KLRG1: variants seen among roughly 807,000 people sequenced by gnomAD.
KLRG1 encodes the protein killer cell lectin-like receptor subfamily G member 1.
A neutral mutation model predicts 21.8 loss-of-function variants in KLRG1; 16 were observed. That is an observed-to-expected ratio of 0.73 (90% CI 0.50 to 1.11). The LOEUF is 1.11. Among genes scored for constraint, KLRG1 ranks in the 50% most tolerant of loss-of-function variants. The probability of loss-of-function intolerance (pLI) is 0.00; values close to 1 mark genes in which losing one functional copy is unlikely to be tolerated. For missense variants in KLRG1, 173 were observed against 218.3 expected (o/e 0.79, Z 1.31); for synonymous variants, 69 against 75.9 (o/e 0.91, Z 0.47).
At chr12:9,090,333 A>G in the KLRG1 span, 3 of 1,613,760 alleles carry the variant, frequency 1.9e-6, no homozygotes, top group African/African-American at 1.3e-5. Context: ...GTAGAGAATT[A>G]TCTCTAGCAG....
At chr12:9,044,221 A>C in the KLRG1 span, among the ~76,000 whole-genome samples, 2 of 152,218 alleles carry the variant, frequency 1.3e-5, no homozygotes, top group African/African-American at 4.8e-5. Context: ...AATTGATGAA[A>C]TAGAAAAAAA....
the KLRG1 span, chr12:9,028,689 G>A: frequency 6.6e-5 from 30 of 451,868 alleles, no homozygotes; most frequent in East Asian, 1.2e-3. Flanking sequence ...TGATCCACCC[G>A]CCTTGGCCCC....
chr12:9,165,319 G>C, the KLRG1 span: 2 of 1,614,130 alleles, frequency 1.2e-6, no homozygotes, highest in Non-Finnish European at 1.7e-6. Flanking sequence ...CCTTCCACTC[G>C]GTGATGGTGT....
chr12:9,154,400 G>A, the KLRG1 span, among the ~76,000 whole-genome samples: 2 of 152,198 alleles, frequency 1.3e-5, no homozygotes, highest in African/African-American at 2.4e-5. Flanking sequence ...CTCGTTGTAC[G>A]TCTCCATGTT....
chr12:9,189,116 A>G, the KLRG1 span, among the ~76,000 whole-genome samples: 1 of 152,226 alleles, frequency 6.6e-6, no homozygotes, highest in African/African-American at 2.4e-5. Context: ...AAAACTACCA[A>G]CGACATCCTT....
At chr12:8,961,476 G>C (rs1015878911) in intron 1 of KLRG1, among the ~76,000 whole-genome samples, 2 of 152,062 alleles carry the variant, frequency 1.3e-5, no homozygotes. Flanking sequence ...GCAATGGTGC[G>C]ATCTCAGCTC....
At chr12:9,087,390 T>C in the KLRG1 span, among the ~76,000 whole-genome samples, 2 of 152,196 alleles carry the variant, frequency 1.3e-5, no homozygotes, top group African/African-American at 4.8e-5. Flanking sequence ...GATTATGTTA[T>C]GTGAAATAAG....
the KLRG1 span, chr12:9,194,144 T>C: frequency 1.9e-6 from 3 of 1,614,038 alleles, no homozygotes; most frequent in Admixed American, 3.3e-5. Flanking sequence ...ACCCTGCTCA[T>C]TGGTGGTTGC....
At chr12:9,190,207 A>T in the KLRG1 span, among the ~76,000 whole-genome samples, 1 of 152,116 alleles carries the variant, frequency 6.6e-6, no homozygotes, top group African/African-American at 2.4e-5. Context: ...GTTCATTGCA[A>T]CCCTGTTGCA....
At chr12:9,032,883 T>G in the KLRG1 span, among the ~76,000 whole-genome samples, 2 of 152,164 alleles carry the variant, frequency 1.3e-5, no homozygotes, top group African/African-American at 2.4e-5. Context: ...TTTACCCCAA[T>G]CAATCAATAT....
Position 8,967,122 on chromosome 12 carries a change from G to T in KLRG1, c.-156+16886G>T, listed in dbSNP as rs754909941. On this transcript the variant is annotated intron_variant, in intron 1 of 4. Transcript: ENST00000539240. Reference sequence around the variant, plus strand: ...ACACCGCATGTTCTCACTCATAGGTGGGACTTGAACTATGAGAACACATGG... The same window carrying T: ...ACACCGCATGTTCTCACTCATAGGTTGGACTTGAACTATGAGAACACATGG... 1.8e-3 allele frequency among the ~76,000 whole-genome samples: 261 copies of T among 146,622 alleles called. 2 individuals are homozygous for T. Among genetic ancestry groups the T allele is most frequent in the Non-Finnish European group, 3.1e-3 (209 of 66,934 alleles).
At chr12:9,013,526 C>A (rs1947659804), downstream of KLRG1, among the ~76,000 whole-genome samples, 1 of 151,912 alleles carries the variant, frequency 6.6e-6, no homozygotes, top group Admixed American at 6.6e-5. Flanking sequence ...TGAGACTGGG[C>A]AATTTACTAA....
At chr12:9,025,071 T>C in the KLRG1 span, among the ~76,000 whole-genome samples, 1 of 152,090 alleles carries the variant, frequency 6.6e-6, no homozygotes, top group Non-Finnish European at 1.5e-5. Flanking sequence ...GAGGAGAGTA[T>C]TCAATGGAAA....
At chr12:9,208,344 T>A in the KLRG1 span, 1 of 1,611,892 alleles carries the variant, frequency 6.2e-7, no homozygotes, top group South Asian at 1.1e-5. Context: ...TTCCGCATTG[T>A]GAGGGATAAA....
the KLRG1 span, among the ~76,000 whole-genome samples, chr12:9,108,338 G>C: frequency 6.6e-5 from 10 of 152,102 alleles, no homozygotes; most frequent in Non-Finnish European, 1.2e-4. Flanking sequence ...ATGTTAGCCA[G>C]GATGGTCTTG....
the KLRG1 span, chr12:9,158,545 G>A: frequency 1.2e-6 from 2 of 1,614,108 alleles, no homozygotes; most frequent in Non-Finnish European, 1.7e-6. Context: ...GATCGAGCCT[G>A]GGCGAAAGTC....
the KLRG1 span, among the ~76,000 whole-genome samples, chr12:9,132,521 T>G: frequency 6.6e-6 from 1 of 151,928 alleles, no homozygotes; most frequent in Non-Finnish European, 1.5e-5. Context: ...ATGAAGTGAG[T>G]TAGGCATGAG....
the KLRG1 span, among the ~76,000 whole-genome samples, chr12:9,207,939 A>G: frequency 6.6e-6 from 1 of 152,322 alleles, no homozygotes; most frequent in East Asian, 1.9e-4. Context: ...GTTGCACTTC[A>G]CTATATATTT....
chr12:9,044,471 C>G, the KLRG1 span, among the ~76,000 whole-genome samples: 1 of 152,012 alleles, frequency 6.6e-6, no homozygotes. Context: ...TTGCCACCAG[C>G]CTGACCAACA....
Sources: gnomAD v4.1 joint callset for allele counts (sites outside exome capture counted in the v4.1 genomes callset) on GRCh38, gnomAD v4.1.1 for gene constraint, MANE v1.5 for transcripts, NCBI Gene and HGNC (gene_info 2026-07-23, HGNC 2026-07-21) for gene names.